The following NDP variants were observed in gnomAD, a reference collection of about 807,000 sequenced individuals.
NDP encodes norrin.
In NDP, 2 loss-of-function variants were observed where a neutral mutation model predicts 8.4. That is an observed-to-expected ratio of 0.24 (90% confidence interval 0.10 to 0.75). NDP has a LOEUF of 0.75. Ranked by LOEUF, NDP falls within the 30% of genes least tolerant of loss-of-function variation. NDP has a pLI of 0.73. For synonymous variants in NDP, 55 were observed against 45.6 expected, an observed-to-expected ratio of 1.21 and a Z score of -0.83; for missense variants, 81 against 110.1, an observed-to-expected ratio of 0.74 and a Z score of 1.18.
At chrX:43,958,269 C>T (rs1569245545) in intron 2 of NDP, among the ~76,000 whole-genome samples, 1 of 112,387 alleles carries the variant, frequency 8.9e-6, no homozygotes, top group Non-Finnish European at 1.9e-5. Flanking sequence ...TGGGTGTGCA[C>T]ATGATTGATT....
chrX:43,964,636 C>G (rs1341871284), intron 1 of NDP, among the ~76,000 whole-genome samples: 3 of 111,337 alleles, frequency 2.7e-5, no homozygotes, highest in Admixed American at 1.9e-4. Flanking sequence ...GTTAGTGTTC[C>G]GTGTCCCTAT....
chrX:43,957,468 T>C (rs2035801277), intron 2 of NDP, among the ~76,000 whole-genome samples: 1 of 110,763 alleles, frequency 9.0e-6, no homozygotes, highest in South Asian at 3.8e-4. Flanking sequence ...ATTCTGATCC[T>C]CCTAAACTAA....
Position 43,949,736 on chromosome X carries a change from T to C in NDP, c.*63A>G, listed in dbSNP as rs1409016284. On this transcript the variant is annotated 3_prime_UTR_variant, in exon 3 of 3. Coordinates refer to ENST00000642620, the MANE Select transcript of NDP (RefSeq NM_000266.4). ...CCTTAACTCTTTTCTTGCCAGTCTT[T>C]CCCTGGCTGGTCGAACTGCCTCTAC... 9.4e-7 allele frequency: 1 copy of C among 1,059,760 alleles called. No homozygotes were observed. Among genetic ancestry groups the C allele is most frequent in the African/African-American group, 1.9e-5 (1 of 53,538 alleles). 87.3% of individuals were successfully genotyped at this position (1,059,760 alleles called of 1,213,427 possible). A position where few individuals can be genotyped will look rare whatever the true frequency, so the allele number is the denominator to read the frequency against.
chrX:43,961,990 T>C (rs919888473), intron 1 of NDP, among the ~76,000 whole-genome samples: 2 of 111,984 alleles, frequency 1.8e-5, no homozygotes, highest in Non-Finnish European at 3.8e-5. Flanking sequence ...TAATGTCACA[T>C]ACAATGTAAC....
At chrX:43,955,790 G>T (rs1037952139) in intron 2 of NDP, among the ~76,000 whole-genome samples, 1 of 112,166 alleles carries the variant, frequency 8.9e-6, no homozygotes, top group African/African-American at 3.2e-5. Flanking sequence ...GCTAGGAGAT[G>T]GGCAGCAGGG....
At chrX:43,972,270 C>A (rs1218514483) in intron 1 of NDP, among the ~76,000 whole-genome samples, 2 of 111,325 alleles carry the variant, frequency 1.8e-5, no homozygotes, top group African/African-American at 6.5e-5. Context: ...GGGAGTCTGC[C>A]TCTCATGGAG....
intron 2 of NDP, among the ~76,000 whole-genome samples, chrX:43,955,733 G>A (rs1048712876): frequency 2.7e-5 from 3 of 112,210 alleles, no homozygotes; most frequent in South Asian, 3.7e-4. Flanking sequence ...GTGGGCCACT[G>A]TGGCCAGTCT....
intron 1 of NDP, among the ~76,000 whole-genome samples, chrX:43,971,971 C>T (rs758435274): frequency 4.5e-5 from 5 of 111,637 alleles, no homozygotes; most frequent in Admixed American, 9.5e-5. Context: ...CTGGTTTAAA[C>T]GCTCAGTTGA....
intron 2 of NDP, among the ~76,000 whole-genome samples, chrX:43,956,102 A>G (rs758758364): frequency 6.3e-5 from 7 of 111,702 alleles, no homozygotes; most frequent in African/African-American, 2.3e-4. Context: ...CCTTACCAGG[A>G]TAATGGGAAT....
chrX:43,955,297 C>T (rs2035786355), intron 2 of NDP, among the ~76,000 whole-genome samples: 1 of 112,276 alleles, frequency 8.9e-6, no homozygotes, highest in Non-Finnish European at 1.9e-5. Context: ...TATTAAATGG[C>T]TATTATGTGC....
At chrX:43,970,201 C>T (rs1449028781) in intron 1 of NDP, among the ~76,000 whole-genome samples, 2 of 111,884 alleles carry the variant, frequency 1.8e-5, no homozygotes, top group African/African-American at 6.5e-5. Flanking sequence ...GCAACCCAGG[C>T]CCTGGAGCTC....
intron 2 of NDP, among the ~76,000 whole-genome samples, chrX:43,953,586 A>G (rs2035774902): frequency 8.9e-6 from 1 of 112,673 alleles, no homozygotes; most frequent in African/African-American, 3.2e-5. Flanking sequence ...GCTAATAAGA[A>G]CATTTATTGA....
At position 43,958,842 on chromosome X, in the gene NDP, C is replaced by T. The variant is rs766708069; in HGVS notation, c.-197G>A. The T allele has an allele frequency of 2.2e-6, 1 of 444,592 alleles. No homozygotes were observed. The highest frequency in any genetic ancestry group is 2.4e-5 in the African/African-American group (1 of 41,063). 36.6% of individuals were successfully genotyped at this position (444,592 alleles called of 1,213,427 possible). A position where few individuals can be genotyped will look rare whatever the true frequency, so the allele number is the denominator to read the frequency against. ...CACTTGCAATCCATCATCACAGTAT[C>T]TGCTGCACAGCTGGAATGAAAACAG... is the stretch of plus-strand genomic sequence containing the variant. On this transcript the variant is annotated 5_prime_UTR_variant, in exon 2 of 3. Coordinates refer to ENST00000642620, the MANE Select transcript of NDP (RefSeq NM_000266.4).
chrX:43,967,994 T>C (rs1024074255), intron 1 of NDP, among the ~76,000 whole-genome samples: 4 of 111,734 alleles, frequency 3.6e-5, no homozygotes, highest in Non-Finnish European at 3.8e-5. Flanking sequence ...GCAAATCTTA[T>C]ACCCAGTTTA....
At chrX:43,967,744 G>A (rs752031655) in intron 1 of NDP, among the ~76,000 whole-genome samples, 1 of 111,369 alleles carries the variant, frequency 9.0e-6, no homozygotes, top group East Asian at 2.8e-4. Context: ...TAGGGCTGTT[G>A]TTGGTTTGTG....
At chrX:43,965,379 A>G (rs1312286881) in intron 1 of NDP, among the ~76,000 whole-genome samples, 1 of 111,223 alleles carries the variant, frequency 9.0e-6, no homozygotes, top group Non-Finnish European at 1.9e-5. Flanking sequence ...TGATCGCATC[A>G]CTGCACTCCA....
intron 2 of NDP, among the ~76,000 whole-genome samples, chrX:43,954,823 C>T (rs762067541): frequency 7.2e-5 from 8 of 111,140 alleles, no homozygotes; most frequent in African/African-American, 2.6e-4. Flanking sequence ...CCACCTGCTC[C>T]TGTGGCCCTT....
intron 1 of NDP, among the ~76,000 whole-genome samples, chrX:43,963,785 G>A (rs1167835706): frequency 1.8e-5 from 2 of 112,368 alleles, no homozygotes; most frequent in Non-Finnish European, 3.8e-5. Context: ...TCTTCCCAAG[G>A]CAGTTAATTT....
chrX:43,970,231 C>T (rs1022447148), intron 1 of NDP, among the ~76,000 whole-genome samples: 11 of 112,153 alleles, frequency 9.8e-5, no homozygotes, highest in African/African-American at 3.2e-4. Context: ...GTCTCACAGC[C>T]CTGCTTCCCC....
Sources: gnomAD v4.1 joint callset for allele counts (sites outside exome capture counted in the v4.1 genomes callset) on GRCh38, gnomAD v4.1.1 for gene constraint, MANE v1.5 for transcripts, NCBI Gene and HGNC (gene_info 2026-07-23, HGNC 2026-07-21) for gene names.